The following FGF13 variants were observed in gnomAD, a reference collection of about 807,000 sequenced individuals.
The protein encoded by FGF13 is fibroblast growth factor 13, also known as fibroblast growth factor homologous factor 2.
In FGF13, 2 loss-of-function variants were observed where a neutral mutation model predicts 19.5. The ratio of observed to expected loss-of-function variants is 0.10; its 90% CI spans 0.04 to 0.32. FGF13 has a LOEUF of 0.32. Ranked by LOEUF, FGF13 falls within the 10% of genes least tolerant of loss-of-function variation. The probability of loss-of-function intolerance (pLI) is 1.00; values close to 1 mark genes in which losing one functional copy is unlikely to be tolerated. For synonymous variants in FGF13, 72 were observed against 76.9 expected, an observed-to-expected ratio of 0.94 and a Z score of 0.33; for missense variants, 113 against 192.7, an observed-to-expected ratio of 0.59 and a Z score of 2.45.
chrX:138,932,412 C>G (rs902281118), intron 1 of FGF13, among the ~76,000 whole-genome samples: 1 of 110,095 alleles, frequency 9.1e-6, no homozygotes, highest in Non-Finnish European at 1.9e-5. Context: ...AAACCCGTGT[C>G]TACTAAAAAT....
At chrX:139,090,594 C>T (rs1161278433) in intron 1 of FGF13, among the ~76,000 whole-genome samples, 1 of 110,648 alleles carries the variant, frequency 9.0e-6, no homozygotes, top group Non-Finnish European at 1.9e-5. Flanking sequence ...CTCCCTCCTC[C>T]CACCCTCTGC....
At chrX:139,090,124 A>C (rs1351349507) in intron 1 of FGF13, among the ~76,000 whole-genome samples, 1 of 112,393 alleles carries the variant, frequency 8.9e-6, no homozygotes, top group Non-Finnish European at 1.9e-5. Flanking sequence ...ACTACTACTA[A>C]TAATAAGCTA....
At chrX:138,835,422 T>C (rs2091105887) in intron 3 of FGF13, among the ~76,000 whole-genome samples, 1 of 112,057 alleles carries the variant, frequency 8.9e-6, no homozygotes, top group Non-Finnish European at 1.9e-5. Flanking sequence ...TTTTGTTTTG[T>C]TTTGTTTTTT....
upstream of FGF13, among the ~76,000 whole-genome samples, chrX:138,744,230 A>C (rs1049174808): frequency 9.0e-6 from 1 of 111,428 alleles, no homozygotes; most frequent in Non-Finnish European, 1.9e-5. Flanking sequence ...GCCCTCCTGC[A>C]TGAACACAAG....
chrX:138,860,930 T>TAGGAGGAC (rs1316255407), intron 2 of FGF13, among the ~76,000 whole-genome samples: 1 of 111,513 alleles, frequency 9.0e-6, no homozygotes, highest in Non-Finnish European at 1.9e-5. Context: ...TAGTGCAGAG[T>TAGGAGGAC]AGGAGGACAC....
chrX:138,634,368 G>A (rs922898574), intron 4 of FGF13, among the ~76,000 whole-genome samples: 5 of 112,085 alleles, frequency 4.5e-5, no homozygotes, highest in African/African-American at 9.7e-5. Flanking sequence ...GTGAGCCACC[G>A]TGCCCGGCTG....
At chrX:138,811,949 T>C (rs777991107) in intron 3 of FGF13, among the ~76,000 whole-genome samples, 1 of 111,011 alleles carries the variant, frequency 9.0e-6, no homozygotes, top group Non-Finnish European at 1.9e-5. Context: ...ACTTTCTTTT[T>C]TTTTTTTACA....
intron 1 of FGF13, among the ~76,000 whole-genome samples, chrX:139,048,560 CTT>C (rs1259989000): frequency 5.2e-5 from 5 of 96,907 alleles, no homozygotes; most frequent in African/African-American, 1.3e-4. Flanking sequence ...TTCTACAGCT[CTT>C]GTTTTTTTTT....
At chrX:138,774,483 C>T (rs1189805812) in intron 3 of FGF13, among the ~76,000 whole-genome samples, 2 of 111,279 alleles carry the variant, frequency 1.8e-5, no homozygotes, top group African/African-American at 6.5e-5. Flanking sequence ...CCAAAGTCAC[C>T]CATCTAGTAA....
chrX:138,839,944 T>C (rs2091138275), intron 3 of FGF13, among the ~76,000 whole-genome samples: 1 of 111,903 alleles, frequency 8.9e-6, no homozygotes, highest in African/African-American at 3.2e-5. Context: ...TGGGATAAAA[T>C]ATCTACATTC....
intron 3 of FGF13, among the ~76,000 whole-genome samples, chrX:138,844,397 C>T (rs983071849): frequency 7.1e-5 from 8 of 111,976 alleles, no homozygotes; most frequent in Non-Finnish European, 1.1e-4. Context: ...CAAAGACCTA[C>T]TCTTTCCTTA....
intron 1 of FGF13, among the ~76,000 whole-genome samples, chrX:139,020,004 A>T (rs1212981885): frequency 9.0e-6 from 1 of 110,930 alleles, no homozygotes; most frequent in East Asian, 2.9e-4. Context: ...GTACAAAGTA[A>T]TAGAAAACCT....
At chrX:138,857,534 G>A (rs2091265036) in exon 3 of FGF13, 1 of 1,202,650 alleles carries the variant, frequency 8.3e-7, no homozygotes, top group African/African-American at 1.8e-5. Context: ...TGTTCTCTTT[G>A]TGGTGTACTT....
Position 138,711,709 on chromosome X carries a change from C to A in FGF13, c.-706G>T. The A allele has an allele frequency of 1.3e-6, 1 of 752,273 alleles. No individual in the cohort carries two copies. Among genetic ancestry groups the A allele is most frequent in the African/African-American group, 2.3e-5 (1 of 43,777 alleles). 62.0% of individuals were successfully genotyped at this position (752,273 alleles called of 1,213,427 possible). A position where few individuals can be genotyped will look rare whatever the true frequency, so the allele number is the denominator to read the frequency against. On this transcript the variant is annotated 5_prime_UTR_variant, in exon 1 of 5. Coordinates refer to ENST00000315930, the MANE Select transcript of FGF13 (RefSeq NM_004114.5). ...CAGCCGCCGCAGGCACCCTCCGGAACAGCGCGACAGCCTCCTTGCAGCCCC... is the reference window on the plus strand; with the variant it reads ...CAGCCGCCGCAGGCACCCTCCGGAAAAGCGCGACAGCCTCCTTGCAGCCCC...
At chrX:138,856,668 T>G (rs1279064121), downstream of FGF13, among the ~76,000 whole-genome samples, 2 of 112,291 alleles carry the variant, frequency 1.8e-5, no homozygotes, top group African/African-American at 3.2e-5. Context: ...ATGGGCTGTT[T>G]AACAAGTATT....
chrX:139,153,346 T>C (rs1330427366), intron 1 of FGF13, among the ~76,000 whole-genome samples: 2 of 96,163 alleles, frequency 2.1e-5, no homozygotes, highest in African/African-American at 8.8e-5. Context: ...GAAGAGATAA[T>C]GAAAAAAAAA....
intron 3 of FGF13, among the ~76,000 whole-genome samples, chrX:138,768,712 T>TC (rs1459530092): frequency 2.3e-4 from 23 of 100,248 alleles, no homozygotes; most frequent in African/African-American, 8.4e-4. Flanking sequence ...TATATATATA[T>TC]ATATAAGTAT....
chrX:138,986,918 C>T (rs1017762781), intron 1 of FGF13, among the ~76,000 whole-genome samples: 34 of 112,277 alleles, frequency 3.0e-4, no homozygotes, highest in Non-Finnish European at 5.1e-4. Flanking sequence ...TATTACCTCA[C>T]CATCTCTTCA....
chrX:139,141,102 T>TACACACACACACACACACAC (rs748785543), intron 1 of FGF13, among the ~76,000 whole-genome samples: 1 of 97,201 alleles, frequency 1.0e-5, no homozygotes, highest in African/African-American at 3.8e-5. Flanking sequence ...GATAAGAGTG[T>TACACACACACACACACACAC]ACACACACAC....
Sources: gnomAD v4.1 joint callset for allele counts (sites outside exome capture counted in the v4.1 genomes callset) on GRCh38, gnomAD v4.1.1 for gene constraint, MANE v1.5 for transcripts, NCBI Gene and HGNC (gene_info 2026-07-23, HGNC 2026-07-21) for gene names.